The following ACAT2 variants were observed in gnomAD, a reference collection of about 807,000 sequenced individuals.
The protein encoded by ACAT2 is acetyl-CoA acetyltransferase, cytosolic.
ACAT2 carries 26 observed loss-of-function variants against 37.1 expected under a neutral mutation model. That is an observed-to-expected ratio of 0.70 (90% confidence interval 0.51 to 0.97). The LOEUF is 0.97. Ranked by LOEUF, ACAT2 falls within the 50% of genes least tolerant of loss-of-function variation. The probability of loss-of-function intolerance (pLI) is 0.00; values close to 1 mark genes in which losing one functional copy is unlikely to be tolerated. For synonymous variants in ACAT2, 156 were observed against 163.6 expected, an observed-to-expected ratio of 0.95 and a Z score of 0.35; for missense variants, 468 against 489.0, an observed-to-expected ratio of 0.96 and a Z score of 0.40.
In ACAT2 at chr6:159,778,700, T is replaced by C; in HGVS notation, c.1065T>C (p.Leu355=). 6.2e-7 allele frequency: 1 copy of C among 1,614,238 alleles called. No homozygotes were observed. The highest frequency in any genetic ancestry group is 8.5e-7 in the Non-Finnish European group (1 of 1,180,036). ...GGGCTATAGCCTTGGGCCACCCTCTTGGAGCATCTGGCTGTCGAATTCTTG... is the reference window on the plus strand; with the variant it reads ...GGGCTATAGCCTTGGGCCACCCTCTCGGAGCATCTGGCTGTCGAATTCTTG... ...EGGAIALGHP[L]GASGCRILVT... is the part of the protein sequence containing the mutation. The change falls in exon 9 of 9, where the codon CTT becomes CTC. Residue 355 remains leucine, a synonymous_variant. Coordinates refer to ENST00000367048, the MANE Select transcript of ACAT2 (RefSeq NM_005891.3).
At chr6:159,767,503 AT>A (rs1204275561) in intron 3 of ACAT2, among the ~76,000 whole-genome samples, 1 of 152,220 alleles carries the variant, frequency 6.6e-6, no homozygotes, top group African/African-American at 2.4e-5. Context: ...TTTCTTTCCC[AT>A]TGTGAGTAAA....
intron 7 of ACAT2, 58 bp from the exon 8 acceptor site, chr6:159,778,112 T>C: frequency 1.7e-6 from 2 of 1,184,358 alleles, no homozygotes; most frequent in South Asian, 1.3e-5. Flanking sequence ...CAAAGAATGG[T>C]TTAACTTTAG....
chr6:159,774,257 A>G (rs1315112501), intron 4 of ACAT2, among the ~76,000 whole-genome samples: 3 of 152,238 alleles, frequency 2.0e-5, no homozygotes, highest in Admixed American at 1.3e-4. Context: ...TTCTTCAAAA[A>G]TATCAAGCTT....
chr6:159,774,430 G>C (rs1780382412), intron 4 of ACAT2, among the ~76,000 whole-genome samples: 1 of 152,180 alleles, frequency 6.6e-6, no homozygotes, highest in Non-Finnish European at 1.5e-5. Flanking sequence ...AATAGTGTTT[G>C]ATTCATGTTA....
At chr6:159,768,449 G>A (rs1018393212) in intron 3 of ACAT2, 62 bp from the exon 4 acceptor site, 4 of 1,190,498 alleles carry the variant, frequency 3.4e-6, no homozygotes, top group South Asian at 2.5e-5. Flanking sequence ...GTTTTGAGTT[G>A]TATTCTGGGG....
intron 4 of ACAT2, 141 bp downstream of exon 4, chr6:159,768,769 T>G: frequency 1.9e-6 from 1 of 527,516 alleles, no homozygotes; most frequent in Non-Finnish European, 3.4e-6. Flanking sequence ...TTAACTGAAG[T>G]GAAGTAAGTA....
Position 159,768,680 on chromosome 6 carries a change from C to A in ACAT2, c.490+52C>A, listed in dbSNP as rs894912302. The A allele has an allele frequency of 9.1e-6, 12 of 1,311,640 alleles. No individual in the cohort carries two copies. The African/African-American group carries it at 1.7e-4, about 19-fold the overall frequency. 81.3% of individuals were successfully genotyped at this position (1,311,640 alleles called of 1,614,324 possible). Reference sequence around the variant, plus strand: ...TTAGCTTTAAAAAGGTTAAAAAGACCATATACTAATCTGCTTCTTAGGTGC... The same window carrying A: ...TTAGCTTTAAAAAGGTTAAAAAGACAATATACTAATCTGCTTCTTAGGTGC... On this transcript the variant is annotated intron_variant, in intron 4 of 8. Transcript: ENST00000367048.
At chr6:159,763,276 G>A (rs1212991152) in intron 2 of ACAT2, among the ~76,000 whole-genome samples, 1 of 152,182 alleles carries the variant, frequency 6.6e-6, no homozygotes, top group Admixed American at 6.5e-5. Context: ...TTCTTGGCCA[G>A]GCAGGGTGGC....
rs911845 is a variant in ACAT2, at chr6:159,777,716, C to T, written c.912+260C>T. Among the ~76,000 whole-genome samples, 458 of 148,372 alleles carry T rather than the reference C, an allele frequency of 3.1e-3. 3 individuals carry two copies. Among genetic ancestry groups the T allele is most frequent in the Non-Finnish European group, 4.2e-3 (278 of 66,540 alleles). On this transcript the variant is annotated intron_variant, in intron 7 of 8. Transcript: ENST00000367048. ...ATTACCTCGAACTACAGGTGCACCA[C>T]GCCTTCTTCATTTCGTAGAGACAAG...
At chr6:159,762,326 C>T (rs1417120019) in intron 1 of ACAT2, 184 bp downstream of exon 1, 43 of 1,214,172 alleles carry the variant, frequency 3.5e-5, no homozygotes, top group Non-Finnish European at 4.7e-5. Context: ...GCTACAGCCC[C>T]ACCCTCTCCT....
At chr6:159,775,622 T>C (rs1046591866) in intron 5 of ACAT2, 2 of 281,434 alleles carry the variant, frequency 7.1e-6, no homozygotes, top group African/African-American at 4.4e-5. Context: ...CTGACCTGTT[T>C]CCTGTATAGG....
Position 159,762,064 on chromosome 6 carries a change from G to C in ACAT2, c.-24G>C. 6.2e-7 allele frequency: 1 copy of C among 1,612,040 alleles called. No homozygotes were observed. The highest frequency in any genetic ancestry group is 1.7e-4 in the Middle Eastern group (1 of 6,042). ...TTGCCTAGCTTGCAGGCAGCGCAGG[G>C]CAGACGGCGGCAGGAGAAGCAAGAT... On this transcript the variant is annotated 5_prime_UTR_variant, in exon 1 of 9. Coordinates refer to ENST00000367048, the MANE Select transcript of ACAT2 (RefSeq NM_005891.3).
At position 159,776,277 on chromosome 6, in the gene ACAT2, G is replaced by A; in HGVS notation, c.757+5G>A. 6.2e-7 allele frequency: 1 copy of A among 1,613,352 alleles called. No individual in the cohort carries two copies. The highest frequency in any genetic ancestry group is 8.5e-7 in the Non-Finnish European group (1 of 1,179,778). The stretch of plus-strand genomic sequence containing the variant: ...TCACCCCAGCCAATGCTTCAGGTTA[G>A]ATTTTCTGAAGGACATCTGGGGGAA... On this transcript the variant is annotated splice_donor_5th_base_variant and intron_variant, in intron 6 of 8. Transcript: ENST00000367048.
Position 159,774,482 on chromosome 6 carries a change from C to T in ACAT2, c.491-688C>T, listed in dbSNP as rs7745904. On this transcript the variant is annotated intron_variant, in intron 4 of 8. Transcript: ENST00000367048. ...TTTTGTTTTGTGAGACAGGGTCACC[C>T]AGGCTGGAGTGCAGAGGCACAATCA... Among the ~76,000 whole-genome samples, 1,220 of 152,290 alleles carry T rather than the reference C, an allele frequency of 8.0e-3. 18 individuals are homozygous for T. The highest frequency in any genetic ancestry group is 0.027 in the African/African-American group (1,122 of 41,542).
At chr6:159,770,046 A>G (rs1780311866) in intron 4 of ACAT2, among the ~76,000 whole-genome samples, 1 of 152,210 alleles carries the variant, frequency 6.6e-6, no homozygotes, top group Non-Finnish European at 1.5e-5. Context: ...TCTCAGAAAG[A>G]CCACAGTTTA....
At chr6:159,763,629 CTTTTTTTTTT>C (rs765044833) in intron 2 of ACAT2, among the ~76,000 whole-genome samples, 6 of 76,408 alleles carry the variant, frequency 7.9e-5, no homozygotes, top group South Asian at 5.3e-4. Flanking sequence ...TTTTCTTTTC[CTTTTTTTTTT>C]TTTTTTTTTT....
chr6:159,762,614 G>A, intron 1 of ACAT2: 1 of 1,405,186 alleles, frequency 7.1e-7, no homozygotes, highest in Non-Finnish European at 9.4e-7. Context: ...CCCTTGACCC[G>A]CCGGTTCCTT....
At chr6:159,763,113 C>CA (rs1780182336) in intron 2 of ACAT2, 60 bp downstream of exon 2, 1 of 1,555,568 alleles carries the variant, frequency 6.4e-7, no homozygotes, top group African/African-American at 1.4e-5. Context: ...TAAACACACA[C>CA]ACACACACAC....
At chr6:159,768,098 T>G (rs1276320284) in intron 3 of ACAT2, among the ~76,000 whole-genome samples, 1 of 152,208 alleles carries the variant, frequency 6.6e-6, no homozygotes, top group African/African-American at 2.4e-5. Context: ...TCCCCATCAT[T>G]TAGTTAGCCT....
Sources: gnomAD v4.1 joint callset for allele counts (sites outside exome capture counted in the v4.1 genomes callset) on GRCh38, gnomAD v4.1.1 for gene constraint, MANE v1.5 for transcripts, NCBI Gene and HGNC (gene_info 2026-07-23, HGNC 2026-07-21) for gene names.